ZNF385D: variants seen among roughly 807,000 people sequenced by gnomAD.
ZNF385D encodes zinc finger protein 385D.
ZNF385D carries 15 observed loss-of-function variants against 35.8 expected under a neutral mutation model. The ratio of observed to expected loss-of-function variants is 0.42; its 90% CI spans 0.28 to 0.64. The LOEUF is 0.64. Ranked by LOEUF, ZNF385D falls within the 30% of genes least tolerant of loss-of-function variation. The pLI, the probability that ZNF385D is intolerant of heterozygous loss-of-function variation, is 0.23. For synonymous variants in ZNF385D, 212 were observed against 186.8 expected (o/e 1.13, Z -1.10); for missense variants, 474 against 494.6 (o/e 0.96, Z 0.39).
intron 3 of ZNF385D, among the ~76,000 whole-genome samples, chr3:22,161,688 A>G (rs1705962000): frequency 6.6e-6 from 1 of 152,190 alleles, no homozygotes; most frequent in African/African-American, 2.4e-5. Flanking sequence ...GTGATAAATT[A>G]TCAAATGATC....
chr3:22,264,711 C>G (rs1700808978), intron 2 of ZNF385D, among the ~76,000 whole-genome samples: 1 of 151,798 alleles, frequency 6.6e-6, no homozygotes, highest in African/African-American at 2.4e-5. Flanking sequence ...CTTGGTACAC[C>G]AATTAGGTGA....
chr3:22,126,156 T>C (rs942325406), intron 3 of ZNF385D, among the ~76,000 whole-genome samples: 3 of 152,046 alleles, frequency 2.0e-5, no homozygotes, highest in Admixed American at 1.3e-4. Flanking sequence ...TTTTCCAGCA[T>C]CAATCGAAAT....
At chr3:22,358,960 G>A (rs1696281278) in intron 2 of ZNF385D, among the ~76,000 whole-genome samples, 1 of 151,018 alleles carries the variant, frequency 6.6e-6, no homozygotes, top group African/African-American at 2.4e-5. Context: ...TGGTTACATA[G>A]CCAGGCCCAG....
intron 3 of ZNF385D, among the ~76,000 whole-genome samples, chr3:21,983,735 G>A (rs1174702374): frequency 3.6e-5 from 1 of 28,022 alleles, no homozygotes; most frequent in African/African-American, 1.5e-4. Flanking sequence ...CTGAGGAATC[G>A]CCACACTGAC....
At chr3:21,435,862 T>C (rs1044449406) in intron 5 of ZNF385D, among the ~76,000 whole-genome samples, 1 of 152,166 alleles carries the variant, frequency 6.6e-6, no homozygotes, top group African/African-American at 2.4e-5. Context: ...CAACTAACGT[T>C]ATATGCTGGA....
At chr3:22,225,677 C>A (rs963613471) in intron 2 of ZNF385D, among the ~76,000 whole-genome samples, 1 of 152,150 alleles carries the variant, frequency 6.6e-6, no homozygotes, top group Non-Finnish European at 1.5e-5. Context: ...TTTCCCATTT[C>A]TTTACTAATA....
intron 3 of ZNF385D, among the ~76,000 whole-genome samples, chr3:21,520,319 T>C (rs1707830048): frequency 1.3e-5 from 2 of 152,190 alleles, no homozygotes; most frequent in South Asian, 2.1e-4. Context: ...GAGGAAGACC[T>C]GATATTACTC....
chr3:21,828,991 C>A (rs971527851), intron 3 of ZNF385D, among the ~76,000 whole-genome samples: 1 of 152,082 alleles, frequency 6.6e-6, no homozygotes, highest in Non-Finnish European at 1.5e-5. Flanking sequence ...AAGGAAGGGC[C>A]CATCTGGATA....
At chr3:22,332,384 T>G (rs181815286) in intron 2 of ZNF385D, among the ~76,000 whole-genome samples, 4 of 152,266 alleles carry the variant, frequency 2.6e-5, no homozygotes, top group Admixed American at 2.0e-4. Context: ...AGCCTGAAGA[T>G]TCAATGAAGA....
At chr3:21,670,488 G>C (rs2066533008) in intron 1 of ZNF385D, among the ~76,000 whole-genome samples, 1 of 151,688 alleles carries the variant, frequency 6.6e-6, no homozygotes, top group African/African-American at 2.4e-5. Context: ...AAATATTTCA[G>C]TTAGAATTTG....
At chr3:21,445,607 G>T (rs1430125104) in intron 4 of ZNF385D, among the ~76,000 whole-genome samples, 1 of 152,094 alleles carries the variant, frequency 6.6e-6, no homozygotes, top group African/African-American at 2.4e-5. Flanking sequence ...TATCATGTCA[G>T]TGCCTTAATT....
intron 3 of ZNF385D, among the ~76,000 whole-genome samples, chr3:21,834,516 T>C (rs928842336): frequency 6.6e-6 from 1 of 152,222 alleles, no homozygotes; most frequent in African/African-American, 2.4e-5. Flanking sequence ...CAGTTAGGAC[T>C]GCAGATTAGA....
At chr3:22,224,126 C>G (rs1273175543) in intron 2 of ZNF385D, among the ~76,000 whole-genome samples, 2 of 151,800 alleles carry the variant, frequency 1.3e-5, no homozygotes, top group African/African-American at 4.8e-5. Context: ...GAATTTGACC[C>G]TCAAAAGAAA....
At chr3:21,581,186 T>C (rs1438199518) in intron 2 of ZNF385D, among the ~76,000 whole-genome samples, 1 of 152,214 alleles carries the variant, frequency 6.6e-6, no homozygotes, top group African/African-American at 2.4e-5. Context: ...TGCAATAACG[T>C]AGACCTGCTG....
intron 1 of ZNF385D, among the ~76,000 whole-genome samples, chr3:21,686,149 T>C (rs954094976): frequency 2.6e-5 from 4 of 152,212 alleles, no homozygotes; most frequent in Non-Finnish European, 5.9e-5. Context: ...AAGTAACCTT[T>C]TTTTAATGTC....
intron 1 of ZNF385D, among the ~76,000 whole-genome samples, chr3:21,667,825 T>C (rs572411296): frequency 1.3e-5 from 2 of 152,304 alleles, no homozygotes; most frequent in East Asian, 3.9e-4. Context: ...AAATTTAATT[T>C]CCCATTCTCT....
Position 21,744,323 on chromosome 3 carries a change from C to T in ZNF385D, c.22+6572G>A, listed in dbSNP as rs186051636. On this transcript the variant is annotated intron_variant, in intron 1 of 7. Coordinates refer to ENST00000281523, the MANE Select transcript of ZNF385D (RefSeq NM_024697.3). Reference sequence around the variant, plus strand: ...TAAAGTACATTTACATTCCTTATTGCGTTTTTATCCTCAGAGCAATCTGCT... The same window carrying T: ...TAAAGTACATTTACATTCCTTATTGTGTTTTTATCCTCAGAGCAATCTGCT... Among the ~76,000 whole-genome samples, 197 of 152,238 alleles carry T rather than the reference C, an allele frequency of 1.3e-3. 1 individual carries two copies. The highest frequency in any genetic ancestry group is 9.5e-3 in the East Asian group (49 of 5,180).
At chr3:22,134,658 T>A (rs1195357673) in intron 3 of ZNF385D, among the ~76,000 whole-genome samples, 1 of 152,124 alleles carries the variant, frequency 6.6e-6, no homozygotes, top group Non-Finnish European at 1.5e-5. Flanking sequence ...TACAACAGAA[T>A]CCCTAAGACT....
chr3:21,554,285 C>G (rs1435163130), intron 3 of ZNF385D, among the ~76,000 whole-genome samples: 1 of 152,146 alleles, frequency 6.6e-6, no homozygotes, highest in Non-Finnish European at 1.5e-5. Context: ...TTGAACATCT[C>G]TATCAGAGCT....
Sources: gnomAD v4.1 joint callset for allele counts (sites outside exome capture counted in the v4.1 genomes callset) on GRCh38, gnomAD v4.1.1 for gene constraint, MANE v1.5 for transcripts, NCBI Gene and HGNC (gene_info 2026-07-23, HGNC 2026-07-21) for gene names.